The following KCNT2 variants were observed in gnomAD, a reference collection of about 807,000 sequenced individuals.
The protein encoded by KCNT2 is potassium sodium-activated channel subfamily T member 2.
A neutral mutation model predicts 153.8 loss-of-function variants in KCNT2; 67 were observed. The ratio of observed to expected loss-of-function variants is 0.44; its 90% CI spans 0.36 to 0.53. The LOEUF is 0.53. Ranked by LOEUF, KCNT2 falls within the 20% of genes least tolerant of loss-of-function variation. The pLI, the probability that KCNT2 is intolerant of heterozygous loss-of-function variation, is 0.00. For missense variants in KCNT2, 975 were observed against 1,354.8 expected (o/e 0.72, Z 4.40); for synonymous variants, 500 against 458.8 (o/e 1.09, Z -1.15).
chr1:196,399,115 C>G (rs7410845), intron 12 of KCNT2, among the ~76,000 whole-genome samples: 87,371 of 143,484 alleles, frequency 0.61, 25,499 homozygotes, highest in Middle Eastern at 0.74. Context: ...GTGTGTGTGT[C>G]TGTGTGTGTA....
intron 9 of KCNT2, among the ~76,000 whole-genome samples, chr1:196,429,366 G>T (rs1673937436): frequency 6.6e-6 from 1 of 151,790 alleles, no homozygotes; most frequent in South Asian, 2.1e-4. Context: ...TGTCAGTCAT[G>T]ACTGGAAGGA....
intron 1 of KCNT2, among the ~76,000 whole-genome samples, chr1:196,543,629 T>C (rs989964709): frequency 6.6e-6 from 1 of 152,166 alleles, no homozygotes; most frequent in Non-Finnish European, 1.5e-5. Context: ...TCCACGATAA[T>C]TTTCTATAAT....
chr1:196,373,016 C>A (rs1421596267), intron 14 of KCNT2, 124 bp downstream of exon 14: 3 of 536,194 alleles, frequency 5.6e-6, no homozygotes, highest in Middle Eastern at 5.0e-4. Flanking sequence ...ATAACTCACA[C>A]AAATTCAAGT....
chr1:196,511,135 A>T (rs1242009430), intron 1 of KCNT2, among the ~76,000 whole-genome samples: 3 of 151,516 alleles, frequency 2.0e-5, no homozygotes, highest in African/African-American at 7.3e-5. Context: ...ACACACACAC[A>T]CACACACACA....
intron 1 of KCNT2, among the ~76,000 whole-genome samples, chr1:196,578,811 G>C (rs938999270): frequency 1.2e-4 from 19 of 152,042 alleles, no homozygotes; most frequent in Admixed American, 1.2e-3. Context: ...AAATCCTGTC[G>C]ATTCATAAAG....
Position 196,522,389 on chromosome 1 carries a change from G to A in KCNT2, c.96-30048C>T, listed in dbSNP as rs143105302. Among the ~76,000 whole-genome samples the A allele has an allele frequency of 2.0e-3, 304 of 152,232 alleles. 1 individual carries two copies. The highest frequency in any genetic ancestry group is 6.7e-3 in the African/African-American group (278 of 41,546). ...CAGCAGTTTTTGATGAAGAACAGAT[G>A]TACATTTACCAAAATGATGTTCTAA... On this transcript the variant is annotated intron_variant, in intron 1 of 27. Transcript: ENST00000294725.
chr1:196,498,795 C>T (rs2148756190), intron 1 of KCNT2, among the ~76,000 whole-genome samples: 1 of 152,258 alleles, frequency 6.6e-6, no homozygotes, highest in East Asian at 1.9e-4. Context: ...GTTTTCACTA[C>T]TAACAAAAAT....
intron 1 of KCNT2, among the ~76,000 whole-genome samples, chr1:196,599,405 AG>A (rs1158591190): frequency 6.6e-6 from 1 of 152,244 alleles, no homozygotes; most frequent in Non-Finnish European, 1.5e-5. Context: ...CAAGAAAGCC[AG>A]GAACAACCAG....
At chr1:196,451,146 A>T (rs1399282109) in intron 8 of KCNT2, among the ~76,000 whole-genome samples, 1 of 148,892 alleles carries the variant, frequency 6.7e-6, no homozygotes, top group African/African-American at 2.5e-5. Flanking sequence ...CCTAAAAGAA[A>T]TTCAAAATTA....
At chr1:196,452,191 C>G (rs567515534) in intron 8 of KCNT2, among the ~76,000 whole-genome samples, 6 of 151,926 alleles carry the variant, frequency 3.9e-5, no homozygotes, top group Admixed American at 3.3e-4. Context: ...TTAAAAGGCA[C>G]GTAAAGCTTT....
At chr1:196,606,628 A>T (rs141917131) in intron 1 of KCNT2, among the ~76,000 whole-genome samples, 2 of 152,322 alleles carry the variant, frequency 1.3e-5, no homozygotes, top group East Asian at 3.9e-4. Context: ...GAGGGCAACC[A>T]CATGAAAATT....
intron 22 of KCNT2, among the ~76,000 whole-genome samples, chr1:196,287,254 C>T (rs954149928): frequency 5.9e-5 from 9 of 152,130 alleles, no homozygotes; most frequent in Middle Eastern, 6.8e-3. Context: ...TTGCAGATGA[C>T]TGGAGTTAGC....
At chr1:196,255,188 T>C (rs1007343701) in intron 26 of KCNT2, among the ~76,000 whole-genome samples, 1 of 151,620 alleles carries the variant, frequency 6.6e-6, no homozygotes, top group African/African-American at 2.4e-5. Flanking sequence ...AGAAAAAAAA[T>C]TATTCACATT....
At chr1:196,553,381 C>T (rs923390217) in intron 1 of KCNT2, among the ~76,000 whole-genome samples, 7 of 150,884 alleles carry the variant, frequency 4.6e-5, no homozygotes, top group Middle Eastern at 3.4e-3. Flanking sequence ...TGGAAAACCC[C>T]GATATGTAAG....
intron 26 of KCNT2, chr1:196,257,724 TAA>T: frequency 1.0e-6 from 1 of 983,786 alleles, no homozygotes; most frequent in Non-Finnish European, 1.2e-6. Context: ...GCTTCAAAAT[TAA>T]AGTTTTTGAA....
chr1:196,602,663 A>G (rs1166586431), intron 1 of KCNT2, among the ~76,000 whole-genome samples: 1 of 152,138 alleles, frequency 6.6e-6, no homozygotes, highest in Non-Finnish European at 1.5e-5. Flanking sequence ...TGTGTTTTAT[A>G]TAAAATATTG....
intron 13 of KCNT2, among the ~76,000 whole-genome samples, chr1:196,373,763 T>G (rs1668721827): frequency 6.6e-6 from 1 of 151,894 alleles, no homozygotes; most frequent in Non-Finnish European, 1.5e-5. Flanking sequence ...AAGAAATATA[T>G]TTGATACTAT....
At chr1:196,281,160 T>C (rs761047698) in intron 24 of KCNT2, among the ~76,000 whole-genome samples, 172 bp from the exon 25 acceptor site, 2 of 152,212 alleles carry the variant, frequency 1.3e-5, no homozygotes, top group Admixed American at 1.3e-4. Context: ...CCGACATCCC[T>C]GGCTGAAGCA....
At chr1:196,492,226 A>G (rs941875688) in intron 2 of KCNT2, 36 bp downstream of exon 2, 1 of 1,374,894 alleles carries the variant, frequency 7.3e-7, no homozygotes, top group Non-Finnish European at 9.5e-7. Context: ...AAGTAAATAT[A>G]TGTACGAACA....
Sources: gnomAD v4.1 joint callset for allele counts (sites outside exome capture counted in the v4.1 genomes callset) on GRCh38, gnomAD v4.1.1 for gene constraint, MANE v1.5 for transcripts, NCBI Gene and HGNC (gene_info 2026-07-23, HGNC 2026-07-21) for gene names.